NPTN: variants seen among roughly 807,000 people sequenced by gnomAD.
NPTN encodes the protein neuroplastin, also known as SDR-1.
A neutral mutation model predicts 42.7 loss-of-function variants in NPTN; 5 were observed. The observed-to-expected ratio is 0.12, with a 90% CI of 0.06 to 0.25. NPTN has a LOEUF of 0.25. NPTN is among the 10% of genes least tolerant of loss of function. NPTN has a pLI of 1.00. For missense variants in NPTN, 307 were observed against 525.4 expected, an observed-to-expected ratio of 0.58 and a Z score of 4.06; for synonymous variants, 180 against 201.9, an observed-to-expected ratio of 0.89 and a Z score of 0.92.
chr15:73,589,749 G>T (rs181168645), intron 3 of NPTN, among the ~76,000 whole-genome samples: 1 of 152,162 alleles, frequency 6.6e-6, no homozygotes, highest in East Asian at 2.0e-4. Context: ...GACGAGGAGA[G>T]ACATAGCCTA....
At chr15:73,580,569 T>TTATATATG (rs1482573132) in intron 4 of NPTN, among the ~76,000 whole-genome samples, 1 of 139,478 alleles carries the variant, frequency 7.2e-6, no homozygotes, top group African/African-American at 2.7e-5. Context: ...TATATACATG[T>TTATATATG]TATATATGTA....
intron 1 of NPTN, among the ~76,000 whole-genome samples, chr15:73,631,761 CTT>C (rs1195023005): frequency 6.6e-6 from 1 of 152,192 alleles, no homozygotes; most frequent in African/African-American, 2.4e-5. Context: ...TCTTTAACCT[CTT>C]AATGGCTGTT....
intron 4 of NPTN, among the ~76,000 whole-genome samples, chr15:73,580,873 C>A (rs1242149845): frequency 2.0e-5 from 3 of 152,052 alleles, no homozygotes; most frequent in Non-Finnish European, 2.9e-5. Context: ...GATCTCGACT[C>A]TATTACTCAC....
intron 6 of NPTN, among the ~76,000 whole-genome samples, chr15:73,563,930 T>A (rs1894834594): frequency 6.6e-6 from 1 of 152,198 alleles, no homozygotes; most frequent in Non-Finnish European, 1.5e-5. Context: ...GTGACATCCC[T>A]CTAGAAAAGA....
At chr15:73,628,571 T>C (rs985895872) in intron 1 of NPTN, among the ~76,000 whole-genome samples, 5 of 152,192 alleles carry the variant, frequency 3.3e-5, no homozygotes, top group African/African-American at 1.2e-4. Flanking sequence ...ATTAGCACTT[T>C]ATCTCCTTCC....
At chr15:73,605,106 G>C (rs557600900) in intron 1 of NPTN, among the ~76,000 whole-genome samples, 2 of 145,768 alleles carry the variant, frequency 1.4e-5, no homozygotes, top group Non-Finnish European at 3.0e-5. Flanking sequence ...TCAAGGGGGG[G>C]GGGGGAAAAG....
intron 1 of NPTN, among the ~76,000 whole-genome samples, chr15:73,620,864 T>C (rs541598904): frequency 6.6e-6 from 1 of 152,362 alleles, no homozygotes; most frequent in South Asian, 2.1e-4. Context: ...GTTTTTCTAA[T>C]ATAAACAATG....
intron 1 of NPTN, among the ~76,000 whole-genome samples, chr15:73,625,599 G>A (rs1898364344): frequency 6.6e-6 from 1 of 152,122 alleles, no homozygotes; most frequent in African/African-American, 2.4e-5. Flanking sequence ...CCAAAGTGCT[G>A]GGATTACAGG....
chr15:73,580,492 T>TAC, intron 4 of NPTN, among the ~76,000 whole-genome samples: 1 of 135,004 alleles, frequency 7.4e-6, no homozygotes, highest in East Asian at 2.0e-4. Flanking sequence ...AATATATATA[T>TAC]ACATAAATAT....
At chr15:73,564,540 C>G (rs887288694) in intron 6 of NPTN, among the ~76,000 whole-genome samples, 2 of 152,208 alleles carry the variant, frequency 1.3e-5, no homozygotes, top group African/African-American at 4.8e-5. Flanking sequence ...AGGCTAGCGA[C>G]ACACTAGTGT....
chr15:73,611,852 G>T (rs1000811357), intron 1 of NPTN, among the ~76,000 whole-genome samples: 2 of 151,996 alleles, frequency 1.3e-5, no homozygotes, highest in Non-Finnish European at 2.9e-5. Context: ...GTGGGGACAG[G>T]GGGTACATGG....
At chr15:73,588,781 T>C (rs569305382) in intron 3 of NPTN, among the ~76,000 whole-genome samples, 1 of 152,362 alleles carries the variant, frequency 6.6e-6, no homozygotes, top group African/African-American at 2.4e-5. Context: ...TCTGTGCTTC[T>C]TCACAATACT....
chr15:73,613,398 AT>A (rs1897688653), intron 1 of NPTN, among the ~76,000 whole-genome samples: 1 of 152,178 alleles, frequency 6.6e-6, no homozygotes, highest in African/African-American at 2.4e-5. Context: ...ACTAGAACCT[AT>A]TGTCTTAGAA....
chr15:73,609,675 C>A (rs7175409), intron 1 of NPTN, among the ~76,000 whole-genome samples: 152,319 of 152,322 alleles, frequency 1, 76,158 homozygotes, highest in Middle Eastern at 1. Flanking sequence ...AGAATCCTTA[C>A]CTTCTGAGAA....
At chr15:73,585,914 C>T (rs1896297413) in intron 4 of NPTN, among the ~76,000 whole-genome samples, 1 of 152,346 alleles carries the variant, frequency 6.6e-6, no homozygotes, top group Non-Finnish European at 1.5e-5. Context: ...CTGGCAACTG[C>T]TGCTTCCTAC....
intron 4 of NPTN, among the ~76,000 whole-genome samples, chr15:73,574,691 G>A (rs1431334753): frequency 6.6e-6 from 1 of 152,120 alleles, no homozygotes; most frequent in Non-Finnish European, 1.5e-5. Flanking sequence ...GGGATTACAG[G>A]TGTTTGCATC....
At chr15:73,582,195 T>C (rs183911163) in intron 4 of NPTN, among the ~76,000 whole-genome samples, 1 of 152,258 alleles carries the variant, frequency 6.6e-6, no homozygotes, top group East Asian at 1.9e-4. Flanking sequence ...TCAAAGAAAA[T>C]CTATCCTTAA....
chr15:73,602,969 C>T (rs112308238), intron 1 of NPTN, among the ~76,000 whole-genome samples: 8 of 152,290 alleles, frequency 5.3e-5, no homozygotes, highest in African/African-American at 1.7e-4. Flanking sequence ...TACCAGCCAG[C>T]CTTCTGCTTT....
At chr15:73,623,051 C>A (rs377705952) in intron 1 of NPTN, among the ~76,000 whole-genome samples, 1 of 152,168 alleles carries the variant, frequency 6.6e-6, no homozygotes. Flanking sequence ...ATGAAAGTGT[C>A]CTTTTCCAGG....
Sources: gnomAD v4.1 joint callset for allele counts (sites outside exome capture counted in the v4.1 genomes callset) on GRCh38, gnomAD v4.1.1 for gene constraint, MANE v1.5 for transcripts, NCBI Gene and HGNC (gene_info 2026-07-23, HGNC 2026-07-21) for gene names.